Variants in PARP8 observed in about 807,000 individuals in gnomAD.
PARP8 encodes the protein poly(ADP-ribose) polymerase family member 8, also known as protein mono-ADP-ribosyltransferase PARP8.
In PARP8, 51 loss-of-function variants were observed where a neutral mutation model predicts 124.1. The observed-to-expected ratio is 0.41, with a 90% CI of 0.33 to 0.52. PARP8 has a LOEUF of 0.52. Ranked by LOEUF, PARP8 falls within the 20% of genes least tolerant of loss-of-function variation. The pLI, the probability that PARP8 is intolerant of heterozygous loss-of-function variation, is 0.21. For synonymous variants in PARP8, 391 were observed against 361.5 expected (o/e 1.08, Z -0.93); for missense variants, 860 against 1,018.9 (o/e 0.84, Z 2.12).
chr5:50,781,574 C>T (rs756342274), intron 9 of PARP8, among the ~76,000 whole-genome samples: 20 of 152,168 alleles, frequency 1.3e-4, no homozygotes, highest in Non-Finnish European at 2.2e-4. Context: ...CTACCCTGTT[C>T]CCCTGGGTCC....
intron 2 of PARP8, among the ~76,000 whole-genome samples, chr5:50,711,699 C>T (rs1442507292): frequency 7.2e-5 from 11 of 152,106 alleles, no homozygotes; most frequent in Non-Finnish European, 1.6e-4. Flanking sequence ...CCCAACCCTC[C>T]TGCCCATAAT....
At chr5:50,741,767 G>T (rs553808680) in intron 2 of PARP8, 35 of 416,156 alleles carry the variant, frequency 8.4e-5, no homozygotes, top group African/African-American at 6.6e-4. Context: ...AGGGTAATAC[G>T]TAATTTATTT....
intron 6 of PARP8, 27 bp downstream of exon 6, chr5:50,761,925 C>G: frequency 6.9e-7 from 1 of 1,453,040 alleles, no homozygotes; most frequent in Non-Finnish European, 9.6e-7. Flanking sequence ...TTCCAAATAC[C>G]TAGTCTTAAA....
intron 2 of PARP8, among the ~76,000 whole-genome samples, chr5:50,732,108 A>C (rs1302470004): frequency 6.6e-6 from 1 of 152,256 alleles, no homozygotes; most frequent in Admixed American, 6.5e-5. Context: ...ATGGTAATTA[A>C]AAGTTCAGAT....
chr5:50,769,578 C>T (rs1465408163), intron 7 of PARP8, among the ~76,000 whole-genome samples: 2 of 151,700 alleles, frequency 1.3e-5, no homozygotes, highest in Non-Finnish European at 2.9e-5. Context: ...GACAGATGCA[C>T]ATAGATTTTT....
intron 15 of PARP8, among the ~76,000 whole-genome samples, chr5:50,816,512 A>G (rs919845348): frequency 6.6e-6 from 1 of 152,184 alleles, no homozygotes; most frequent in African/African-American, 2.4e-5. Flanking sequence ...AGGAATGTAC[A>G]CACTCCTTGG....
At chr5:50,781,616 C>A (rs1740685206) in intron 9 of PARP8, among the ~76,000 whole-genome samples, 1 of 152,210 alleles carries the variant, frequency 6.6e-6, no homozygotes, top group African/African-American at 2.4e-5. Flanking sequence ...ATCCCCATTT[C>A]TGCACCCTTG....
In PARP8 at chr5:50,668,142, A is replaced by T. The variant is rs759602056; in HGVS notation, c.146+17A>T. The T allele has an allele frequency of 6.3e-7, 1 of 1,580,978 alleles. No individual in the cohort carries two copies. The highest frequency in any genetic ancestry group is 8.7e-7 in the Non-Finnish European group (1 of 1,152,920). On this transcript the variant is annotated intron_variant, in intron 2 of 25. Coordinates refer to ENST00000281631, the MANE Select transcript of PARP8 (RefSeq NM_024615.4). The stretch of plus-strand genomic sequence containing the variant: ...CCCCAGAAGGTATTTATGTGTATAG[A>T]GTTGCTTCATTTCCTGTTCACACTC...
intron 16 of PARP8, among the ~76,000 whole-genome samples, chr5:50,822,064 G>T (rs1745817473): frequency 6.6e-6 from 1 of 152,136 alleles, no homozygotes; most frequent in Admixed American, 6.5e-5. Context: ...GCCTGAATCA[G>T]GAGCCCCATA....
At chr5:50,828,407 C>T in intron 21 of PARP8, 23 bp downstream of exon 21, 6 of 1,586,584 alleles carry the variant, frequency 3.8e-6, no homozygotes, top group South Asian at 1.1e-5. Context: ...AATGCTTTCA[C>T]AAGACTTCAT....
At chr5:50,821,439 T>C (rs1745758613) in intron 16 of PARP8, 101 bp downstream of exon 16, 3 of 1,305,568 alleles carry the variant, frequency 2.3e-6, no homozygotes, top group Non-Finnish European at 3.2e-6. Context: ...TATCTAAATC[T>C]CTATCTCATC....
chr5:50,680,752 A>G (rs1337033037), intron 2 of PARP8, among the ~76,000 whole-genome samples: 1 of 152,150 alleles, frequency 6.6e-6, no homozygotes, highest in South Asian at 2.1e-4. Flanking sequence ...GCTGGAAGCC[A>G]TGTGGTAAGA....
At chr5:50,733,853 C>G (rs1465371503) in intron 2 of PARP8, among the ~76,000 whole-genome samples, 1 of 152,112 alleles carries the variant, frequency 6.6e-6, no homozygotes, top group Non-Finnish European at 1.5e-5. Flanking sequence ...CCCTACTTGT[C>G]CATCTTTTCC....
At chr5:50,764,514 C>G (rs1306174596) in intron 7 of PARP8, among the ~76,000 whole-genome samples, 1 of 152,186 alleles carries the variant, frequency 6.6e-6, no homozygotes, top group Non-Finnish European at 1.5e-5. Context: ...GAAATAGAAA[C>G]TCCCTACCAT....
chr5:50,702,116 T>C (rs1156377390), intron 2 of PARP8, among the ~76,000 whole-genome samples: 4 of 152,184 alleles, frequency 2.6e-5, no homozygotes, highest in Non-Finnish European at 5.9e-5. Flanking sequence ...TTTATGTAAG[T>C]ATTCGTTTGC....
chr5:50,667,917 C>A (rs1749537857), intron 1 of PARP8, 154 bp from the exon 2 acceptor site: 4 of 1,513,832 alleles, frequency 2.6e-6, no homozygotes, highest in Non-Finnish European at 3.5e-6. Flanking sequence ...CGCATCCCCT[C>A]GGACGCGGCG....
chr5:50,761,741 T>A lies in PARP8; in HGVS notation c.346-80T>A, dbSNP rs893139425. 6.8e-6 allele frequency: 6 copies of A among 878,318 alleles called. No homozygotes were observed. In the African/African-American group the frequency reaches 8.7e-5, roughly 13 times the overall value. The allele number at this position is 878,318 out of a possible 1,614,324, so 54.4% of individuals were successfully genotyped here. A position where few individuals can be genotyped will look rare whatever the true frequency, so the allele number is the denominator to read the frequency against. Reference sequence around the variant, plus strand: ...AAATCCATAATATATGCTCAAGACTTGCCTATTATAGTCACTTGCTATTTT... The same window carrying A: ...AAATCCATAATATATGCTCAAGACTAGCCTATTATAGTCACTTGCTATTTT... On this transcript the variant is annotated intron_variant, in intron 5 of 25. Transcript: ENST00000281631.
At chr5:50,837,470 C>CA (rs1429858929) in intron 25 of PARP8, among the ~76,000 whole-genome samples, 1 of 152,070 alleles carries the variant, frequency 6.6e-6, no homozygotes, top group East Asian at 1.9e-4. Context: ...GACAAAAACT[C>CA]AATTTCTGTT....
At chr5:50,776,522 AT>A (rs1227414529) in intron 7 of PARP8, among the ~76,000 whole-genome samples, 6 of 152,204 alleles carry the variant, frequency 3.9e-5, no homozygotes, top group Non-Finnish European at 8.8e-5. Flanking sequence ...TATGCAAATC[AT>A]TTTTATCCCT....
Sources: allele counts gnomAD v4.1 joint callset (sites outside exome capture counted in the v4.1 genomes callset), GRCh38; gene constraint gnomAD v4.1.1; transcripts MANE v1.5; gene names NCBI Gene and HGNC (gene_info 2026-07-23, HGNC 2026-07-21).